Variants in ASPH observed in about 807,000 individuals in gnomAD.
ASPH encodes aspartyl/asparaginyl beta-hydroxylase.
A neutral mutation model predicts 118.4 loss-of-function variants in ASPH; 100 were observed. The observed-to-expected ratio is 0.84, with a 90% CI of 0.72 to 1.00. The LOEUF is 1.00. Ranked by LOEUF, ASPH falls within the 50% of genes least tolerant of loss-of-function variation. The probability of loss-of-function intolerance (pLI) is 0.00; values close to 1 mark genes in which losing one functional copy is unlikely to be tolerated. For missense variants in ASPH, 920 were observed against 919.5 expected, an observed-to-expected ratio of 1.00 and a Z score of -0.01; for synonymous variants, 315 against 325.6, an observed-to-expected ratio of 0.97 and a Z score of 0.35.
intron 20 of ASPH, among the ~76,000 whole-genome samples, chr8:61,552,425 A>AT (rs1305963695): frequency 6.6e-6 from 1 of 152,208 alleles, no homozygotes; most frequent in African/African-American, 2.4e-5. Context: ...TAGCTACTAC[A>AT]TTTTTTGTGT....
chr8:61,581,456 G>A (rs1837493919), intron 15 of ASPH, among the ~76,000 whole-genome samples: 1 of 152,220 alleles, frequency 6.6e-6, no homozygotes, highest in African/African-American at 2.4e-5. Flanking sequence ...GGGCTGTGCG[G>A]AAGGATAATA....
chr8:61,607,291 C>T (rs780646858), intron 14 of ASPH: 9 of 702,026 alleles, frequency 1.3e-5, no homozygotes, highest in South Asian at 5.9e-5. Context: ...TGGTGCAAGC[C>T]GCCTGGCTTT....
At chr8:61,617,420 G>C (rs1849414455) in intron 14 of ASPH, among the ~76,000 whole-genome samples, 1 of 152,130 alleles carries the variant, frequency 6.6e-6, no homozygotes, top group East Asian at 1.9e-4. Context: ...TTCTTGCCTT[G>C]TGTTTTCTCA....
At chr8:61,674,847 T>C (rs1405741614) in intron 3 of ASPH, among the ~76,000 whole-genome samples, 1 of 152,180 alleles carries the variant, frequency 6.6e-6, no homozygotes, top group Non-Finnish European at 1.5e-5. Flanking sequence ...CGTGAGGAAG[T>C]GCAAGCATTT....
At chr8:61,654,293 T>C (rs929877366) in intron 3 of ASPH, among the ~76,000 whole-genome samples, 2 of 152,204 alleles carry the variant, frequency 1.3e-5, no homozygotes, top group Non-Finnish European at 2.9e-5. Flanking sequence ...TCAAGGCCAG[T>C]CTAAAATCTA....
intron 3 of ASPH, chr8:61,665,091 A>G (rs1818858979): frequency 1.4e-6 from 2 of 1,408,696 alleles, no homozygotes; most frequent in Non-Finnish European, 1.8e-6. Context: ...GAGACGGTAT[A>G]TTTAAATTTC....
intron 12 of ASPH, 42 bp downstream of exon 12, chr8:61,637,905 T>A: frequency 1.3e-6 from 2 of 1,544,454 alleles, no homozygotes; most frequent in Non-Finnish European, 1.8e-6. Context: ...CAAACACAAT[T>A]CTCATATGGA....
At chr8:61,504,065 T>C (rs1020739340) in intron 24 of ASPH, among the ~76,000 whole-genome samples, 4 of 152,232 alleles carry the variant, frequency 2.6e-5, no homozygotes, top group Admixed American at 2.6e-4. Context: ...TAGTATCATC[T>C]TCTATGCAAG....
intron 16 of ASPH, among the ~76,000 whole-genome samples, chr8:61,572,562 G>A (rs80262789): frequency 0.098 from 14,849 of 152,138 alleles, 763 homozygotes; most frequent in Non-Finnish European, 0.12. Context: ...CAAAAACTCA[G>A]GGGTCAGCCT....
At chr8:61,694,095 G>A (rs551025226) in intron 1 of ASPH, among the ~76,000 whole-genome samples, 1 of 152,168 alleles carries the variant, frequency 6.6e-6, no homozygotes, top group Admixed American at 6.5e-5. Context: ...TGCCCCCAAT[G>A]TATCCTACCT....
chr8:61,609,942 A>C (rs1350461732), intron 14 of ASPH, among the ~76,000 whole-genome samples: 1 of 152,212 alleles, frequency 6.6e-6, no homozygotes, highest in Non-Finnish European at 1.5e-5. Context: ...TATGTGGTTA[A>C]AGTTAATCTT....
At chr8:61,653,373 G>T (rs1812073378) in intron 4 of ASPH, among the ~76,000 whole-genome samples, 195 bp downstream of exon 4, 1 of 152,170 alleles carries the variant, frequency 6.6e-6, no homozygotes, top group Non-Finnish European at 1.5e-5. Flanking sequence ...CCTTAGAGCT[G>T]ATCTTAAAAA....
At chr8:61,541,692 T>C (rs1822039166) in intron 21 of ASPH, among the ~76,000 whole-genome samples, 1 of 152,164 alleles carries the variant, frequency 6.6e-6, no homozygotes, top group South Asian at 2.1e-4. Context: ...TTTTAAGTCA[T>C]AAATTAACAT....
chr8:61,699,168 T>C (rs546417192), intron 1 of ASPH, among the ~76,000 whole-genome samples: 18 of 152,356 alleles, frequency 1.2e-4, no homozygotes, highest in African/African-American at 4.3e-4. Flanking sequence ...CTTCAGACTG[T>C]ATGGTTTGCC....
At chr8:61,578,789 G>A in intron 15 of ASPH, 1 of 1,594,958 alleles carries the variant, frequency 6.3e-7, no homozygotes, top group South Asian at 1.1e-5. Flanking sequence ...CAGAGATGGA[G>A]AATGAATTTG....
chr8:61,596,942 T>C (rs1842655907), intron 14 of ASPH, among the ~76,000 whole-genome samples: 1 of 151,790 alleles, frequency 6.6e-6, no homozygotes, highest in Non-Finnish European at 1.5e-5. Flanking sequence ...AGAATAATAA[T>C]ACTAAAGAAA....
At chr8:61,634,788 T>C (rs1857038685) in intron 12 of ASPH, among the ~76,000 whole-genome samples, 1 of 152,230 alleles carries the variant, frequency 6.6e-6, no homozygotes, top group South Asian at 2.1e-4. Context: ...TTTGTTATTC[T>C]ACGCTCAAAA....
rs1564127541 is a variant in ASPH, at chr8:61,637,932, A to AT, written c.889+14dup. 6.2e-7 allele frequency: 1 copy of AT among 1,603,142 alleles called. No individual in the cohort carries two copies. On this transcript the variant is annotated intron_variant, in intron 12 of 24. Coordinates refer to ENST00000379454, the MANE Select transcript of ASPH (RefSeq NM_004318.4). Reference sequence around the variant, plus strand: ...TCATATGGAAGGTAAAACCACTTCCATAAATTTATCTTACCTTCTACAATT... The same window carrying AT: ...TCATATGGAAGGTAAAACCACTTCCATTAAATTTATCTTACCTTCTACAATT...
chr8:61,655,086 A>T (rs971100123), intron 3 of ASPH, among the ~76,000 whole-genome samples: 5 of 152,210 alleles, frequency 3.3e-5, no homozygotes, highest in Non-Finnish European at 7.3e-5. Context: ...GAATCTCAAG[A>T]ATCAAGTAAT....
Sources: gnomAD v4.1 joint callset for allele counts (sites outside exome capture counted in the v4.1 genomes callset) on GRCh38, gnomAD v4.1.1 for gene constraint, MANE v1.5 for transcripts, NCBI Gene and HGNC (gene_info 2026-07-23, HGNC 2026-07-21) for gene names.